The following CHMP7 variants were observed in gnomAD, a reference collection of about 807,000 sequenced individuals.
The protein encoded by CHMP7 is charged multivesicular body protein 7, also known as CHMP family, member 7.
Under a neutral mutation model 53.7 loss-of-function variants are expected in CHMP7, and 15 were observed. The ratio of observed to expected loss-of-function variants is 0.28; its 90% CI spans 0.19 to 0.43. CHMP7 has a LOEUF of 0.43. CHMP7 is among the 20% of genes least tolerant of loss of function. The pLI, the probability that CHMP7 is intolerant of heterozygous loss-of-function variation, is 1.00. For synonymous variants in CHMP7, 261 were observed against 228.0 expected (o/e 1.14, Z -1.30); for missense variants, 527 against 569.4 (o/e 0.93, Z 0.76).
intron 3 of CHMP7, 188 bp from the exon 4 acceptor site, chr8:23,255,058 CA>C: frequency 1.6e-6 from 1 of 626,300 alleles, no homozygotes; most frequent in East Asian, 2.8e-5. Context: ...GTGGAGTCAC[CA>C]AACTTTCCTC....
In CHMP7 at chr8:23,258,746, C is replaced by T; in HGVS notation, c.975C>T (p.Tyr325=). 1 of 1,612,628 alleles carries T rather than the reference C, an allele frequency of 6.2e-7. No individual in the cohort carries two copies. Among genetic ancestry groups the T allele is most frequent in the Non-Finnish European group, 8.5e-7 (1 of 1,178,806 alleles). ...SQTDQMVFNA[Y]QAGVGALKLS... is the part of the protein sequence containing the mutation. ...TTTGTCTTTAGGTTTTTAACGCCTA[C>T]CAGGCTGGGGTAGGAGCACTCAAAC... The change falls in exon 8 of 11, where the codon TAC becomes TAT. Residue 325 remains tyrosine, a synonymous_variant. Transcript: ENST00000397677.
In CHMP7 at chr8:23,246,657, C is replaced by T. The variant is rs776284298; in HGVS notation, c.-39C>T. 72 of 1,525,114 alleles carry T rather than the reference C, an allele frequency of 4.7e-5. No homozygotes were observed. Among genetic ancestry groups the T allele is most frequent in the Non-Finnish European group, 5.9e-5 (67 of 1,130,412 alleles). 94.5% of individuals were successfully genotyped at this position (1,525,114 alleles called of 1,614,324 possible). On this transcript the variant is annotated 5_prime_UTR_variant, in exon 2 of 11. Coordinates refer to ENST00000397677, the MANE Select transcript of CHMP7 (RefSeq NM_152272.5). ...AACGAGGGCGGAAGCGGACCAGGGC[C>T]AGGCTTGTGTTCGCAGCCTTGCCGG...
intron 8 of CHMP7, 82 bp downstream of exon 8, chr8:23,258,912 C>T (rs930488332): frequency 6.6e-5 from 75 of 1,137,724 alleles, no homozygotes; most frequent in Non-Finnish European, 9.5e-5. Flanking sequence ...TCCTCTTTAA[C>T]GAAACCTGAC....
chr8:23,256,549 G>A lies in CHMP7; in HGVS notation c.747G>A (p.Gln249=). 6.2e-7 allele frequency: 1 copy of A among 1,613,900 alleles called. No homozygotes were observed. Among genetic ancestry groups the A allele is most frequent in the Non-Finnish European group, 8.5e-7 (1 of 1,179,776 alleles). Residue 249 remains glutamine (Q), a synonymous_variant, in exon 5 of 11, where the codon CAG becomes CAA. Transcript: ENST00000397677. ...TGTACCAGCTGATGCAGAGTGAACA[G>A]CTTCTCTCACGCAAAGTGGAGTCCT... The part of the protein sequence containing the change: ...VGVYQLMQSE[Q]LLSRKVESLS...
At position 23,246,652 on chromosome 8, in the gene CHMP7, A is replaced by G; in HGVS notation, c.-44A>G. On this transcript the variant is annotated 5_prime_UTR_variant, in exon 2 of 11. Coordinates refer to ENST00000397677, the MANE Select transcript of CHMP7 (RefSeq NM_152272.5). ...GAGGGAACGAGGGCGGAAGCGGACC[A>G]GGGCCAGGCTTGTGTTCGCAGCCTT... 3 of 1,511,470 alleles carry G rather than the reference A, an allele frequency of 2.0e-6. No individual in the cohort carries two copies. Among genetic ancestry groups the G allele is most frequent in the Non-Finnish European group, 2.7e-6 (3 of 1,121,590 alleles). The allele number at this position is 1,511,470 out of a possible 1,614,324, so 93.6% of individuals were successfully genotyped here.
chr8:23,257,801 G>A (rs575026028), intron 5 of CHMP7, among the ~76,000 whole-genome samples: 1 of 152,350 alleles, frequency 6.6e-6, no homozygotes, highest in South Asian at 2.1e-4. Context: ...TTCTGTCCCT[G>A]TGGGTTGAAA....
intron 4 of CHMP7, 99 bp downstream of exon 4, chr8:23,255,531 G>A: frequency 9.5e-7 from 1 of 1,050,868 alleles, no homozygotes; most frequent in Non-Finnish European, 1.5e-6. Context: ...CAGAGTTTCA[G>A]TAACCTGCCG....
intron 5 of CHMP7, among the ~76,000 whole-genome samples, chr8:23,257,034 C>T (rs560768440): frequency 6.8e-4 from 103 of 151,294 alleles, no homozygotes; most frequent in African/African-American, 2.4e-3. Context: ...CCTCGTGATC[C>T]GCCCGCCTCT....
Position 23,258,769 on chromosome 8 carries a change from A to G in CHMP7, c.998A>G (p.Lys333Arg). 6 of 1,613,812 alleles carry G rather than the reference A, an allele frequency of 3.7e-6. No individual in the cohort carries two copies. The highest frequency in any genetic ancestry group is 4.2e-6 in the Non-Finnish European group (5 of 1,179,852). ...NAYQAGVGAL[K>R]LSMKDVTVEK... Reference sequence around the variant, plus strand: ...TACCAGGCTGGGGTAGGAGCACTCAAACTCTCCATGAAGGATGTCACAGTG... The same window carrying G: ...TACCAGGCTGGGGTAGGAGCACTCAGACTCTCCATGAAGGATGTCACAGTG... The change falls in exon 8 of 11, where the codon AAA becomes AGA. Residue 333 changes from lysine (K) to arginine (R), a missense_variant. By Grantham distance (26) the Lys-to-Arg change is conservative. Coordinates refer to ENST00000397677, the MANE Select transcript of CHMP7 (RefSeq NM_152272.5).
At chr8:23,248,032 G>A (rs531919019) in intron 2 of CHMP7, 291 of 455,510 alleles carry the variant, frequency 6.4e-4, no homozygotes, top group African/African-American at 5.2e-3. Flanking sequence ...GGATGGTCTC[G>A]AACTCCTGCA....
At chr8:23,259,295 AG>A (rs1802283607) in intron 9 of CHMP7, among the ~76,000 whole-genome samples, 169 bp downstream of exon 9, 7 of 146,672 alleles carry the variant, frequency 4.8e-5, no homozygotes, top group Admixed American at 1.4e-4. Context: ...CAGCCTCCCA[AG>A]TAGCTGGGAC....
intron 5 of CHMP7, among the ~76,000 whole-genome samples, chr8:23,257,259 G>A (rs1045977545): frequency 1.3e-4 from 20 of 151,920 alleles, no homozygotes; most frequent in African/African-American, 4.8e-4. Flanking sequence ...ACCATGCCTG[G>A]CTAATTTTTA....
At position 23,259,773 on chromosome 8, in the gene CHMP7, C is replaced by T. The variant is rs542586210; in HGVS notation, c.1121-371C>T. ...GCAGGCCTCTCCTAGCCTGCCCTCC[C>T]TGGGGCTCATCTGCGGGAGCAGTCA... On this transcript the variant is annotated intron_variant, in intron 9 of 10. Transcript: ENST00000397677. The T allele has an allele frequency of 2.5e-5, 5 of 202,024 alleles. No individual in the cohort carries two copies. In the South Asian group the frequency reaches 4.8e-4, roughly 19 times the overall value. The allele number at this position is 202,024 out of a possible 1,614,324, so 12.5% of individuals were successfully genotyped here.
chr8:23,258,090 T>C lies in CHMP7; in HGVS notation c.840+9T>C. Reference sequence around the variant, plus strand: ...CAGGAAAGAAGCAGCTGGTGAGTTCTTGTCTCCTCCAGACCCATAGCAGTG... The same window carrying C: ...CAGGAAAGAAGCAGCTGGTGAGTTCCTGTCTCCTCCAGACCCATAGCAGTG... On this transcript the variant is annotated intron_variant, in intron 6 of 10. Transcript: ENST00000397677. The C allele has an allele frequency of 1.2e-6, 2 of 1,611,120 alleles. No homozygotes were observed. Among genetic ancestry groups the C allele is most frequent in the Non-Finnish European group, 1.7e-6 (2 of 1,177,530 alleles).
At position 23,260,286 on chromosome 8, in the gene CHMP7, T is replaced by G. The variant is rs986990999; in HGVS notation, c.1263T>G (p.Leu421=). 6 of 1,614,178 alleles carry G rather than the reference T, an allele frequency of 3.7e-6. No homozygotes were observed. The highest frequency in any genetic ancestry group is 5.1e-6 in the Non-Finnish European group (6 of 1,180,032). Residue 421 remains leucine, a synonymous_variant, in exon 10 of 11, where the codon CTT becomes CTG. Coordinates refer to ENST00000397677, the MANE Select transcript of CHMP7 (RefSeq NM_152272.5). The part of the protein sequence containing the change: ...VPNPRISDAE[L]EAELEKLSLS... ...ACCCTAGGATCTCAGATGCTGAACT[T>G]GAAGCTGAACTTGAGAAACTGTCCT...
At chr8:23,255,578 A>G in intron 4 of CHMP7, 146 bp downstream of exon 4, 1 of 696,682 alleles carries the variant, frequency 1.4e-6, no homozygotes, top group Non-Finnish European at 2.5e-6. Context: ...GGAAAATTCC[A>G]AACATTAACA....
intron 6 of CHMP7, 44 bp downstream of exon 6, chr8:23,258,125 G>T: frequency 6.5e-7 from 1 of 1,543,974 alleles, no homozygotes; most frequent in Non-Finnish European, 8.9e-7. Context: ...GCCCCAGGCA[G>T]GCCTGGAGCA....
rs1801699321 is a variant in CHMP7, at chr8:23,246,676, T to G, written c.-20T>G. On this transcript the variant is annotated 5_prime_UTR_variant, in exon 2 of 11. Coordinates refer to ENST00000397677, the MANE Select transcript of CHMP7 (RefSeq NM_152272.5). ...CAGGGCCAGGCTTGTGTTCGCAGCC[T>G]TGCCGGGGCTGGGGTTCCGATGTGG... 1.9e-6 allele frequency: 3 copies of G among 1,543,854 alleles called. No individual in the cohort carries two copies. Among genetic ancestry groups the G allele is most frequent in the Non-Finnish European group, 2.6e-6 (3 of 1,144,014 alleles).
chr8:23,249,344 C>T lies in CHMP7; in HGVS notation c.434C>T (p.Pro145Leu), dbSNP rs780813005. ...LSNMLGDNKV[P>L]AEEVLVAVEL... ...AACATGCTGGGAGATAATAAGGTTC[C>T]AGCTGAGGAGGTCCTTGTCGCTGTG... The change falls in exon 3 of 11, where the codon CCA becomes CTA. Residue 145 changes from proline (P) to leucine (L), a missense_variant. Pro to Leu is a moderately conservative substitution (Grantham distance 98). Coordinates refer to ENST00000397677, the MANE Select transcript of CHMP7 (RefSeq NM_152272.5). 3 of 1,610,808 alleles carry T rather than the reference C, an allele frequency of 1.9e-6. No individual in the cohort carries two copies. The highest frequency in any genetic ancestry group is 2.5e-6 in the Non-Finnish European group (3 of 1,178,618).
Sources: gnomAD v4.1 joint callset for allele counts (sites outside exome capture counted in the v4.1 genomes callset) on GRCh38, gnomAD v4.1.1 for gene constraint, MANE v1.5 for transcripts, NCBI Gene and HGNC (gene_info 2026-07-23, HGNC 2026-07-21) for gene names.